The following IQCE variants were observed in gnomAD, a reference collection of about 807,000 sequenced individuals.
IQCE encodes the protein IQ motif containing E, also known as IQ domain-containing protein E.
IQCE carries 115 observed loss-of-function variants against 96.0 expected under a neutral mutation model. The observed-to-expected ratio is 1.20, with a 90% CI of 1.03 to 1.40. The LOEUF (loss-of-function observed/expected upper bound fraction) is 1.40, where lower values mean the gene tolerates loss of function less well. Ranked by LOEUF, IQCE falls within the 40% of genes most tolerant of loss-of-function variation. The pLI, the probability that IQCE is intolerant of heterozygous loss-of-function variation, is 0.00. For synonymous variants in IQCE, 412 were observed against 371.2 expected (o/e 1.11, Z -1.26); for missense variants, 1,041 against 909.1 (o/e 1.15, Z -1.87).
rs190076769 is a variant in IQCE, at chr7:2,569,081, C to T, written c.130+82C>T. On this transcript the variant is annotated intron_variant, in intron 3 of 21. Transcript: ENST00000402050. The stretch of plus-strand genomic sequence containing the variant: ...GAGAATGAAGGGTATTTGCTTTGTA[C>T]ATTTAGGTAGCTGAGACCTGACGCC... The T allele has an allele frequency of 7.3e-5, 102 of 1,396,156 alleles. 1 individual carries two copies. The African/African-American group carries it at 1.1e-3, about 15-fold the overall frequency. 86.5% of individuals were successfully genotyped at this position (1,396,156 alleles called of 1,614,324 possible). A position where few individuals can be genotyped will look rare whatever the true frequency, so the allele number is the denominator to read the frequency against.
At chr7:2,607,917 C>G (rs1784946869) in intron 21 of IQCE, among the ~76,000 whole-genome samples, 1 of 152,208 alleles carries the variant, frequency 6.6e-6, no homozygotes, top group African/African-American at 2.4e-5. Context: ...CCTTAAGACC[C>G]TGTTGAGGAG....
chr7:2,581,493 A>G (rs1159704325), intron 8 of IQCE, among the ~76,000 whole-genome samples: 3 of 152,192 alleles, frequency 2.0e-5, no homozygotes, highest in Non-Finnish European at 2.9e-5. Context: ...GGCGTGAGCC[A>G]CTGCACCCGG....
chr7:2,596,448 G>A (rs1486987091), intron 16 of IQCE, among the ~76,000 whole-genome samples: 4 of 133,648 alleles, frequency 3.0e-5, no homozygotes, highest in Admixed American at 2.4e-4. Context: ...TGAATTTTTC[G>A]TAATAAGCAT....
At chr7:2,602,699 T>A (rs1181247897) in intron 18 of IQCE, among the ~76,000 whole-genome samples, 1 of 152,178 alleles carries the variant, frequency 6.6e-6, no homozygotes, top group Non-Finnish European at 1.5e-5. Context: ...ACATTACTCA[T>A]CCACAAGTGT....
chr7:2,577,259 G>A (rs951686912), intron 6 of IQCE, among the ~76,000 whole-genome samples: 2 of 151,988 alleles, frequency 1.3e-5, no homozygotes, highest in Non-Finnish European at 2.9e-5. Flanking sequence ...TGTGTACGTG[G>A]GGACGTGTGT....
Position 2,610,235 on chromosome 7 carries a change from T to TCC in IQCE, c.*73_*74insCC. On this transcript the variant is annotated 3_prime_UTR_variant, in exon 22 of 22. Transcript: ENST00000402050. ...TAGGAACCACGACTGGAAAGATAAT[T>TCC]TATCGTGTTAGGAGAAGAACGATGA... The TCC allele has an allele frequency of 1.1e-6, 1 of 899,810 alleles. No individual in the cohort carries two copies. Among genetic ancestry groups the TCC allele is most frequent in the Non-Finnish European group, 1.9e-6 (1 of 532,064 alleles). The allele number at this position is 899,810 out of a possible 1,614,324, so 55.7% of individuals were successfully genotyped here.
At chr7:2,596,800 T>TCC in intron 16 of IQCE, 1 of 369,424 alleles carries the variant, frequency 2.7e-6, no homozygotes, top group East Asian at 7.4e-5. Flanking sequence ...CCTGAAAATG[T>TCC]GTCAGGACTG....
chr7:2,568,466 C>T (rs560014351), intron 2 of IQCE, among the ~76,000 whole-genome samples: 2 of 152,248 alleles, frequency 1.3e-5, no homozygotes, highest in South Asian at 4.1e-4. Context: ...GATCTGGACC[C>T]CATTGGGTGT....
intron 1 of IQCE, among the ~76,000 whole-genome samples, chr7:2,559,724 T>C (rs1224799942): frequency 8.3e-6 from 1 of 120,344 alleles, no homozygotes; most frequent in African/African-American, 3.2e-5. Flanking sequence ...CCGGTAAATA[T>C]CTACTGTGTG....
At chr7:2,598,252 T>G (rs1179819301) in intron 16 of IQCE, 1 of 474,012 alleles carries the variant, frequency 2.1e-6, no homozygotes, top group Non-Finnish European at 3.7e-6. Context: ...ACGTCTGCAC[T>G]TGTGTGCTCG....
intron 8 of IQCE, among the ~76,000 whole-genome samples, chr7:2,579,442 T>C (rs1782478291): frequency 6.6e-6 from 1 of 152,112 alleles, no homozygotes; most frequent in Non-Finnish European, 1.5e-5. Context: ...AGGAGAAGGA[T>C]ATTATGGATC....
At chr7:2,565,454 C>T (rs1404570631) in intron 1 of IQCE, among the ~76,000 whole-genome samples, 1 of 152,202 alleles carries the variant, frequency 6.6e-6, no homozygotes, top group African/African-American at 2.4e-5. Flanking sequence ...TTGTTTACTA[C>T]ACATAAAATC....
chr7:2,572,049 T>C, intron 4 of IQCE, 143 bp from the exon 5 acceptor site: 2 of 848,258 alleles, frequency 2.4e-6, no homozygotes, highest in Non-Finnish European at 3.7e-6. Flanking sequence ...AGCTGGTTGG[T>C]TAACCATTTA....
intron 14 of IQCE, among the ~76,000 whole-genome samples, chr7:2,592,237 A>G (rs1783658193): frequency 6.6e-6 from 1 of 152,236 alleles, no homozygotes; most frequent in Non-Finnish European, 1.5e-5. Flanking sequence ...GAGTGCATTT[A>G]TGCCAATTGA....
In IQCE at chr7:2,593,068, G is replaced by A; in HGVS notation, c.1291G>A (p.Glu431Lys). Reference protein sequence around the residue: ...LLQAKADLEKELECAREGEEE... With the variant: ...LLQAKADLEKKLECAREGEEE... ...GCAGGCGAAGGCCGACCTGGAGAAG[G>A]AGCTGGAGTGCGCGAGGGAGGGCGA... The change falls in exon 15 of 22, where the codon GAG becomes AAG. Residue 431 changes from glutamate to lysine, a missense_variant. Glu to Lys is a moderately conservative substitution (Grantham distance 56). Transcript: ENST00000402050. 6.2e-7 allele frequency: 1 copy of A among 1,612,872 alleles called. No homozygotes were observed. The highest frequency in any genetic ancestry group is 8.5e-7 in the Non-Finnish European group (1 of 1,178,984).
rs1230679562 is a variant in IQCE at position 2,613,630 on chromosome 7, CT to C, written c.*3469del. 2.6e-5 allele frequency: 4 copies of C among 152,420 alleles called. No individual in the cohort carries two copies. Among genetic ancestry groups the C allele is most frequent in the African/African-American group, 9.6e-5 (4 of 41,462 alleles). The allele number at this position is 152,420 out of a possible 1,614,324, so 9.4% of individuals were successfully genotyped here. The stretch of plus-strand genomic sequence containing the variant: ...GCTGCGGAGAGAGTGCAGGGAGGGG[CT>C]GGGACCAAACAGGCCAGAAACCAGC... On this transcript the variant is annotated 3_prime_UTR_variant, in exon 22 of 22. Coordinates refer to ENST00000402050, the MANE Select transcript of IQCE (RefSeq NM_152558.5).
At chr7:2,593,651 CA>C (rs1162210753) in intron 15 of IQCE, among the ~76,000 whole-genome samples, 1 of 152,222 alleles carries the variant, frequency 6.6e-6, no homozygotes, top group Non-Finnish European at 1.5e-5. Context: ...CCGCGTAGCA[CA>C]CGATTCCTTG....
intron 3 of IQCE, 45 bp downstream of exon 3, chr7:2,569,044 T>C (rs1781579066): frequency 6.4e-7 from 1 of 1,574,484 alleles, no homozygotes. Context: ...CGACGTTCCC[T>C]GGTGTCCTGG....
At chr7:2,581,741 G>GCTCA (rs1782680965) in intron 8 of IQCE, among the ~76,000 whole-genome samples, 1 of 144,078 alleles carries the variant, frequency 6.9e-6, no homozygotes, top group Non-Finnish European at 1.5e-5. Flanking sequence ...ATGGAGTCTC[G>GCTCA]CTCTGTCACC....
Sources: gnomAD v4.1 joint callset for allele counts (sites outside exome capture counted in the v4.1 genomes callset) on GRCh38, gnomAD v4.1.1 for gene constraint, MANE v1.5 for transcripts, NCBI Gene and HGNC (gene_info 2026-07-23, HGNC 2026-07-21) for gene names.